The following RP1 variants were observed in gnomAD, a reference collection of about 807,000 sequenced individuals.
RP1 encodes oxygen-regulated protein 1.
In RP1, 16 loss-of-function variants were observed where a neutral mutation model predicts 14.8. The ratio of observed to expected loss-of-function variants is 1.08; its 90% CI spans 0.73 to 1.65. The LOEUF (loss-of-function observed/expected upper bound fraction) is 1.65. Ranked by LOEUF, RP1 falls within the 40% of genes most tolerant of loss-of-function variation. RP1 has a pLI of 0.00. For synonymous variants in RP1, 876 were observed against 883.6 expected (o/e 0.99, Z 0.15); for missense variants, 2,631 against 2,535.0 (o/e 1.04, Z -0.81).
At chr8:54,680,786 G>A (rs1052745269) in intron 12 of RP1, among the ~76,000 whole-genome samples, 5 of 151,704 alleles carry the variant, frequency 3.3e-5, no homozygotes, top group Admixed American at 6.6e-5. Flanking sequence ...GTGAAACCCC[G>A]TCTCTACTAA....
At position 54,629,297 on chromosome 8, in the gene RP1, C is replaced by T. The variant is rs1311244939; in HGVS notation, c.5415C>T (p.Leu1805=). 5.0e-6 allele frequency: 8 copies of T among 1,613,480 alleles called. No homozygotes were observed. The highest frequency in any genetic ancestry group is 3.3e-5 in the Admixed American group (2 of 59,934). ...TGGATGAACTCTCCTCTTCAGAACT[C>T]GAGGAACTGACTCAACCCCTTGAAC... The part of the protein sequence containing the change: ...PTMDELSSSE[L]EELTQPLELK... The change falls in exon 4 of 4, where the codon CTC becomes CTT. Residue 1805 remains leucine (L), a synonymous_variant. Transcript: ENST00000220676.
At chr8:54,579,520 C>A (rs758248553) in intron 1 of RP1, among the ~76,000 whole-genome samples, 17 of 152,088 alleles carry the variant, frequency 1.1e-4, no homozygotes, top group Non-Finnish European at 2.5e-4. Context: ...TAGTGAGTTG[C>A]CTGTAGGAAT....
intron 18 of RP1, among the ~76,000 whole-genome samples, chr8:54,737,578 G>C (rs1210528593): frequency 1.3e-5 from 2 of 152,096 alleles, no homozygotes; most frequent in African/African-American, 4.8e-5. Flanking sequence ...ACTGAAACCA[G>C]CTCTGGGAAT....
intron 1 of RP1, chr8:54,560,666 C>T (rs979845213): frequency 2.0e-5 from 3 of 152,052 alleles, no homozygotes; most frequent in African/African-American, 7.2e-5. Flanking sequence ...TGCACCTTCT[C>T]TCACCTAAGT....
chr8:54,569,866 G>A (rs1466941415), intron 1 of RP1, among the ~76,000 whole-genome samples: 1 of 152,204 alleles, frequency 6.6e-6, no homozygotes, highest in African/African-American at 2.4e-5. Flanking sequence ...AGTCATAGGA[G>A]CAGTAAGACA....
chr8:54,765,187 G>A (rs1327882448), intron 22 of RP1, among the ~76,000 whole-genome samples: 1 of 152,234 alleles, frequency 6.6e-6, no homozygotes, highest in Non-Finnish European at 1.5e-5. Context: ...TATTCACAAA[G>A]CATTGTCCTT....
chr8:54,624,993 G>A lies in RP1; in HGVS notation c.1111G>A (p.Gly371Arg). ...TGAAAAGAGTGAGATGAGTTTTCCAGGAAGAACAGAAAGTCGATCATCTGG... is the reference window on the plus strand; with the variant it reads ...TGAAAAGAGTGAGATGAGTTTTCCAAGAAGAACAGAAAGTCGATCATCTGG... ...NDEKSEMSFPGRTESRSSGLK... is the reference protein window; with the variant it reads ...NDEKSEMSFPRRTESRSSGLK... The change falls in exon 4 of 4, where the codon GGA becomes AGA. Residue 371 changes from glycine (G) to arginine (R), a missense_variant. By Grantham distance (125) the Gly-to-Arg change is moderately radical (BLOSUM62 -2). Transcript: ENST00000220676. 1 of 1,614,158 alleles carries A rather than the reference G, an allele frequency of 6.2e-7. No homozygotes were observed. The highest frequency in any genetic ancestry group is 8.5e-7 in the Non-Finnish European group (1 of 1,180,036).
chr8:54,739,266 G>T (rs544566282), intron 19 of RP1, among the ~76,000 whole-genome samples: 41 of 152,124 alleles, frequency 2.7e-4, no homozygotes, highest in African/African-American at 9.4e-4. Context: ...AAGATTTTTC[G>T]ACTTATGATG....
chr8:54,621,190 C>G lies in RP1; in HGVS notation c.224C>G (p.Pro75Arg). ...ALLDNLSRKV[P>R]LPFGVRNIST... ...CTGGATAACTTGTCCAGGAAGGTGC[C>G]CCTCCCTTTTGGAGTGAGGAACATC... is the stretch of plus-strand genomic sequence containing the variant. The change falls in exon 2 of 4, where the codon CCC (proline) becomes CGC (arginine). Residue 75 changes from proline to arginine, a missense_variant. Transcript: ENST00000220676. 6.2e-7 allele frequency: 1 copy of G among 1,614,094 alleles called. No individual in the cohort carries two copies. Among genetic ancestry groups the G allele is most frequent in the South Asian group, 1.1e-5 (1 of 91,070 alleles).
At chr8:54,790,852 A>G (rs1348582721) in intron 24 of RP1, among the ~76,000 whole-genome samples, 1 of 152,180 alleles carries the variant, frequency 6.6e-6, no homozygotes, top group African/African-American at 2.4e-5. Flanking sequence ...TTATGAGTTA[A>G]TGGGATACCA....
downstream of RP1, among the ~76,000 whole-genome samples, chr8:54,634,045 C>T (rs1373712293): frequency 6.6e-6 from 1 of 151,358 alleles, no homozygotes; most frequent in Non-Finnish European, 1.5e-5. Context: ...ACAGATCTAC[C>T]CTGAAAACAA....
chr8:54,862,437 C>T (rs1274296648), intron 27 of RP1, among the ~76,000 whole-genome samples: 2 of 152,102 alleles, frequency 1.3e-5, no homozygotes, highest in Non-Finnish European at 2.9e-5. Context: ...TTCTTCTTCT[C>T]TTTTTTTATC....
chr8:54,763,915 T>A (rs10958426), intron 22 of RP1, among the ~76,000 whole-genome samples: 14 of 150,404 alleles, frequency 9.3e-5, no homozygotes, highest in South Asian at 6.3e-4. Flanking sequence ...GACTTTAAAA[T>A]TTTTTTTTTT....
intron 27 of RP1, among the ~76,000 whole-genome samples, chr8:54,862,386 T>C (rs951917340): frequency 7.2e-5 from 11 of 152,220 alleles, no homozygotes; most frequent in Non-Finnish European, 1.0e-4. Flanking sequence ...TCTTTGGCCC[T>C]AATTTGCATT....
At chr8:54,766,078 A>C (rs1337760713) in intron 22 of RP1, among the ~76,000 whole-genome samples, 1 of 152,124 alleles carries the variant, frequency 6.6e-6, no homozygotes, top group Non-Finnish European at 1.5e-5. Flanking sequence ...AGCTGGAAGA[A>C]ACCTTAGAGG....
chr8:54,859,625 T>A (rs1328887833), intron 27 of RP1, among the ~76,000 whole-genome samples: 2 of 151,704 alleles, frequency 1.3e-5, no homozygotes, highest in African/African-American at 2.4e-5. Context: ...CTGTAGGGGG[T>A]GTTACCGTAG....
intron 21 of RP1, among the ~76,000 whole-genome samples, chr8:54,758,464 G>T (rs1809561722): frequency 6.7e-6 from 1 of 150,280 alleles, no homozygotes; most frequent in African/African-American, 2.5e-5. Flanking sequence ...GAAGGAGGGA[G>T]GGAGGGAGGG....
exon 14 of RP1, chr8:54,701,609 G>A (rs1808021915): frequency 6.5e-7 from 1 of 1,535,700 alleles, no homozygotes; most frequent in Non-Finnish European, 8.7e-7. Context: ...AATAGCTGAT[G>A]CATCATCAGC....
chr8:54,758,532 A>T (rs983080460), intron 21 of RP1, among the ~76,000 whole-genome samples: 1 of 152,124 alleles, frequency 6.6e-6, no homozygotes, highest in East Asian at 1.9e-4. Flanking sequence ...GTCTCAAAGC[A>T]TATCAGTACT....
Sources: gnomAD v4.1 joint callset for allele counts (sites outside exome capture counted in the v4.1 genomes callset) on GRCh38, gnomAD v4.1.1 for gene constraint, MANE v1.5 for transcripts, NCBI Gene and HGNC (gene_info 2026-07-23, HGNC 2026-07-21) for gene names.